Variants in JMJD1C observed in about 807,000 individuals in gnomAD.
The protein encoded by JMJD1C is jumonji domain-containing protein 1C.
JMJD1C carries 31 observed loss-of-function variants against 245.3 expected under a neutral mutation model. The observed-to-expected ratio is 0.13, with a 90% CI of 0.09 to 0.17. The LOEUF (loss-of-function observed/expected upper bound fraction) is 0.17. JMJD1C is among the 10% of genes least tolerant of loss of function. The pLI, the probability that JMJD1C is intolerant of heterozygous loss-of-function variation, is 1.00. For synonymous variants in JMJD1C, 1,057 were observed against 1,017.4 expected (o/e 1.04, Z -0.74); for missense variants, 2,691 against 3,000.2 (o/e 0.90, Z 2.41).
intron 8 of JMJD1C, among the ~76,000 whole-genome samples, chr10:63,211,997 T>G (rs1458437325): frequency 6.6e-6 from 1 of 151,548 alleles, no homozygotes; most frequent in African/African-American, 2.4e-5. Context: ...CAGCCTTAAA[T>G]AAGAAGAAGA....
intron 10 of JMJD1C, chr10:63,202,543 T>C (rs564054008): frequency 1.0e-6 from 1 of 985,418 alleles, no homozygotes; most frequent in Non-Finnish European, 1.2e-6. Flanking sequence ...GAGTGACCCA[T>C]TTGAAATCAG....
At chr10:63,345,696 A>G (rs539992287) in intron 2 of JMJD1C, among the ~76,000 whole-genome samples, 2 of 152,256 alleles carry the variant, frequency 1.3e-5, no homozygotes, top group South Asian at 2.1e-4. Context: ...GCACAGGAAA[A>G]TTTTTAAGGT....
At chr10:63,476,747 A>C (rs1393842468) in intron 1 of JMJD1C, among the ~76,000 whole-genome samples, 1 of 152,166 alleles carries the variant, frequency 6.6e-6, no homozygotes, top group East Asian at 1.9e-4. Context: ...GTAGACAAAC[A>C]AAATTTTAAA....
At chr10:63,241,281 C>G (rs1468377176) in intron 3 of JMJD1C, among the ~76,000 whole-genome samples, 1 of 152,152 alleles carries the variant, frequency 6.6e-6, no homozygotes, top group Non-Finnish European at 1.5e-5. Flanking sequence ...TCCTTTTTCA[C>G]CCTTGTGAAG....
chr10:63,262,822 AC>A (rs11362211), intron 3 of JMJD1C, among the ~76,000 whole-genome samples: 130,417 of 151,676 alleles, frequency 0.86, 56,738 homozygotes, highest in African/African-American at 0.96. Flanking sequence ...AAGTTAGGGT[AC>A]CCCCCCCACT....
At chr10:63,258,831 A>G (rs1471605019) in intron 3 of JMJD1C, among the ~76,000 whole-genome samples, 1 of 152,088 alleles carries the variant, frequency 6.6e-6, no homozygotes, top group Non-Finnish European at 1.5e-5. Flanking sequence ...CAAGACTTTT[A>G]TCAACTTTAA....
At chr10:63,334,581 G>A (rs1181286844) in intron 2 of JMJD1C, among the ~76,000 whole-genome samples, 1 of 152,058 alleles carries the variant, frequency 6.6e-6, no homozygotes, top group Non-Finnish European at 1.5e-5. Context: ...AATTAGCCAG[G>A]CGTGGTGGTA....
chr10:63,347,056 A>C (rs1251121961), intron 2 of JMJD1C, among the ~76,000 whole-genome samples: 2 of 145,238 alleles, frequency 1.4e-5, no homozygotes, highest in Non-Finnish European at 3.0e-5. Context: ...AGTATAGAAC[A>C]AATGAAAAGA....
intron 1 of JMJD1C, among the ~76,000 whole-genome samples, chr10:63,456,724 T>C (rs1952439733): frequency 6.6e-6 from 1 of 152,148 alleles, no homozygotes; most frequent in Admixed American, 6.5e-5. Flanking sequence ...CATGCAACCT[T>C]CTACGTTCAA....
intron 2 of JMJD1C, among the ~76,000 whole-genome samples, chr10:63,333,208 A>G (rs1309176918): frequency 1.3e-5 from 2 of 152,316 alleles, no homozygotes; most frequent in Admixed American, 1.3e-4. Context: ...AAAACAAATC[A>G]CATAATACAG....
intron 2 of JMJD1C, among the ~76,000 whole-genome samples, chr10:63,284,268 C>T (rs79396395): frequency 0.021 from 3,267 of 152,246 alleles, 114 homozygotes; most frequent in African/African-American, 0.073. Flanking sequence ...TCAAGTGAAC[C>T]ATCCACCTCA....
At chr10:63,240,323 C>A (rs1589253681) in intron 3 of JMJD1C, among the ~76,000 whole-genome samples, 1 of 151,894 alleles carries the variant, frequency 6.6e-6, no homozygotes, top group South Asian at 2.1e-4. Context: ...ACAGAGAGAA[C>A]AAACATACAG....
intron 1 of JMJD1C, among the ~76,000 whole-genome samples, chr10:63,445,630 G>A (rs1300750173): frequency 6.6e-6 from 1 of 152,088 alleles, no homozygotes; most frequent in African/African-American, 2.4e-5. Context: ...AGAAGCCTTT[G>A]GAGGCATCTG....
intron 1 of JMJD1C, among the ~76,000 whole-genome samples, chr10:63,414,906 CAAAA>C (rs751283631): frequency 6.5e-5 from 6 of 92,530 alleles, no homozygotes; most frequent in African/African-American, 2.3e-4. Flanking sequence ...GACTCTATCT[CAAAA>C]AAAAAAAAAA....
intron 10 of JMJD1C, chr10:63,202,153 C>T: frequency 7.9e-6 from 2 of 253,392 alleles, no homozygotes; most frequent in Non-Finnish European, 1.2e-5. Context: ...ACTCGGGAGG[C>T]TGAGGCACAA....
At chr10:63,413,146 A>C (rs1323898857) in intron 1 of JMJD1C, among the ~76,000 whole-genome samples, 1 of 152,178 alleles carries the variant, frequency 6.6e-6, no homozygotes, top group Non-Finnish European at 1.5e-5. Context: ...GATATACAAC[A>C]CAATTTATAA....
intron 13 of JMJD1C, chr10:63,194,624 A>T (rs1845232922): frequency 2.6e-6 from 1 of 379,426 alleles, no homozygotes; most frequent in African/African-American, 2.0e-5. Flanking sequence ...CAAAATGGAT[A>T]TAATGATAGC....
intron 2 of JMJD1C, among the ~76,000 whole-genome samples, chr10:63,335,551 G>A (rs540328470): frequency 6.6e-6 from 1 of 152,020 alleles, no homozygotes; most frequent in Non-Finnish European, 1.5e-5. Context: ...TTACTCTGAC[G>A]CCCAGGCTGG....
At chr10:63,445,414 G>T (rs191746474) in intron 1 of JMJD1C, among the ~76,000 whole-genome samples, 1 of 152,224 alleles carries the variant, frequency 6.6e-6, no homozygotes, top group Admixed American at 6.5e-5. Context: ...AGTCATGTGG[G>T]TATCTTTGGG....
Sources: gnomAD v4.1 joint callset for allele counts (sites outside exome capture counted in the v4.1 genomes callset) on GRCh38, gnomAD v4.1.1 for gene constraint, MANE v1.5 for transcripts, NCBI Gene and HGNC (gene_info 2026-07-23, HGNC 2026-07-21) for gene names.